Variants in HYDIN observed in about 807,000 individuals in gnomAD.
HYDIN encodes axonemal central pair apparatus protein HYDIN.
A neutral mutation model predicts 403.9 loss-of-function variants in HYDIN; 132 were observed. That is an observed-to-expected ratio of 0.33 (90% CI 0.28 to 0.38). HYDIN has a LOEUF of 0.38. Among genes scored for constraint, HYDIN ranks in the 10% least tolerant of loss-of-function variants. The pLI, the probability that HYDIN is intolerant of heterozygous loss-of-function variation, is 1.00. For synonymous variants in HYDIN, 1,202 were observed against 1,891.7 expected (o/e 0.64, Z 9.46); for missense variants, 2,827 against 5,009.5 (o/e 0.56, Z 13.15).
At chr16:71,044,054 G>A (rs1278948726) in intron 18 of HYDIN, among the ~76,000 whole-genome samples, 1 of 151,740 alleles carries the variant, frequency 6.6e-6, no homozygotes, top group African/African-American at 2.4e-5. Context: ...GTGCTTGGGT[G>A]CCAGCCCACC....
intron 10 of HYDIN, among the ~76,000 whole-genome samples, chr16:71,105,347 TTGAGA>T (rs2083581958): frequency 6.6e-6 from 1 of 151,364 alleles, no homozygotes; most frequent in Non-Finnish European, 1.5e-5. Flanking sequence ...AAGGAGAAAT[TTGAGA>T]TAAGAGGAAA....
At chr16:71,116,129 T>C (rs1447607700) in intron 9 of HYDIN, among the ~76,000 whole-genome samples, 1 of 152,078 alleles carries the variant, frequency 6.6e-6, no homozygotes, top group African/African-American at 2.4e-5. Context: ...AACTACAAGT[T>C]TGTACCCTTT....
chr16:71,043,970 G>A (rs1165852783), intron 18 of HYDIN, among the ~76,000 whole-genome samples: 1 of 151,952 alleles, frequency 6.6e-6, no homozygotes, highest in Non-Finnish European at 1.5e-5. Context: ...GGGAGAGGGA[G>A]AGGTGGAGAG....
intron 1 of HYDIN, among the ~76,000 whole-genome samples, chr16:71,226,906 AC>A (rs1300948069): frequency 6.6e-6 from 1 of 152,132 alleles, no homozygotes; most frequent in Admixed American, 6.5e-5. Context: ...AGTTAGTGAG[AC>A]AATTTGAGAC....
rs57845299 is a variant in HYDIN, at chr16:71,056,127, G to GTTT, written c.2529+4374_2529+4376dup. On this transcript the variant is annotated intron_variant, in intron 18 of 85. Coordinates refer to ENST00000393567, the MANE Select transcript of HYDIN (RefSeq NM_001270974.2). ...TCTCCGTTCCCACATTCTGAGATTT[G>GTTT]TTTTTTTTTTTTTTTTTTTTTACTC... 9.1e-3 allele frequency among the ~76,000 whole-genome samples: 969 copies of GTTT among 106,212 alleles called. 17 individuals are homozygous for GTTT. The highest frequency in any genetic ancestry group is 0.026 in the African/African-American group (730 of 27,716). 69.7% of individuals were successfully genotyped at this position (106,212 alleles called of 152,430 possible).
At chr16:71,179,286 T>C (rs1388389670) in intron 3 of HYDIN, among the ~76,000 whole-genome samples, 2 of 151,940 alleles carry the variant, frequency 1.3e-5, no homozygotes, top group East Asian at 3.9e-4. Context: ...AACACATGCC[T>C]ACTTTTCAAC....
At chr16:71,214,698 T>C (rs1286619090) in intron 1 of HYDIN, among the ~76,000 whole-genome samples, 8 of 152,210 alleles carry the variant, frequency 5.3e-5, no homozygotes, top group Admixed American at 5.2e-4. Context: ...AAAAGCTACA[T>C]TCTTCTATTC....
At chr16:71,178,045 G>C (rs2086742476) in intron 4 of HYDIN, among the ~76,000 whole-genome samples, 1 of 152,152 alleles carries the variant, frequency 6.6e-6, no homozygotes, top group South Asian at 2.1e-4. Context: ...AAAAAGGAAA[G>C]GGACCTACAT....
intron 17 of HYDIN, among the ~76,000 whole-genome samples, chr16:71,061,446 T>C (rs1329958448): frequency 1.3e-5 from 2 of 152,282 alleles, no homozygotes; most frequent in African/African-American, 4.8e-5. Context: ...GTAAACCACA[T>C]GTCTAGGAAT....
intron 23 of HYDIN, among the ~76,000 whole-genome samples, chr16:71,004,559 G>T (rs2079834937): frequency 6.6e-6 from 1 of 151,864 alleles, no homozygotes; most frequent in African/African-American, 2.4e-5. Flanking sequence ...TTGCATTCCT[G>T]GAATAAACTC....
At chr16:71,089,651 C>A (rs1490532949) in intron 11 of HYDIN, among the ~76,000 whole-genome samples, 18 of 151,936 alleles carry the variant, frequency 1.2e-4, no homozygotes, top group Admixed American at 5.2e-4. Flanking sequence ...ATTGTCATCC[C>A]TGACCTTGAG....
chr16:70,860,098 C>G lies in HYDIN; in HGVS notation c.12099G>C (p.Lys4033Asn). 1.2e-6 allele frequency: 2 copies of G among 1,612,132 alleles called. No individual in the cohort carries two copies. Among genetic ancestry groups the G allele is most frequent in the Non-Finnish European group, 1.7e-6 (2 of 1,179,070 alleles). Residue 4033 changes from lysine to asparagine, a missense_variant, in exon 71 of 86, where the codon AAG (lysine) becomes AAC (asparagine). Coordinates refer to ENST00000393567, the MANE Select transcript of HYDIN (RefSeq NM_001270974.2). ...CTTTCTTTTCAGGGTGGATGAAGCC[C>G]TTTTCTGTAAGGCATGTGAATGCTG... ...NPAAFTCLTEKGFIHPEKKAE... is the reference protein window; with the variant it reads ...NPAAFTCLTENGFIHPEKKAE...
intron 43 of HYDIN, among the ~76,000 whole-genome samples, chr16:70,940,806 T>C (rs963960601): frequency 1.3e-5 from 2 of 152,190 alleles, no homozygotes; most frequent in Non-Finnish European, 2.9e-5. Context: ...AGCATTATGA[T>C]TTGACTAGAT....
At chr16:71,094,693 G>A (rs1198615988) in intron 10 of HYDIN, among the ~76,000 whole-genome samples, 6 of 152,290 alleles carry the variant, frequency 3.9e-5, no homozygotes, top group African/African-American at 2.4e-5. Context: ...AGGCAACGTC[G>A]TGATAATGCA....
At chr16:71,184,136 C>T (rs1018538465) in intron 3 of HYDIN, among the ~76,000 whole-genome samples, 3 of 152,068 alleles carry the variant, frequency 2.0e-5, no homozygotes, top group African/African-American at 7.2e-5. Context: ...TAACAGCAGA[C>T]AAGCCTCAAA....
intron 13 of HYDIN, among the ~76,000 whole-genome samples, chr16:71,078,960 T>C (rs1461820034): frequency 2.0e-5 from 3 of 152,216 alleles, no homozygotes; most frequent in African/African-American, 7.2e-5. Flanking sequence ...TAGCCTTATG[T>C]GCAGCTTGGT....
intron 10 of HYDIN, among the ~76,000 whole-genome samples, chr16:71,101,177 GAC>G (rs1280132073): frequency 2.2e-4 from 1 of 4,566 alleles, no homozygotes; most frequent in Non-Finnish European, 3.9e-4. Flanking sequence ...ATAACAAACT[GAC>G]ACAGAGTCCC....
At chr16:71,204,475 T>C (rs552858964) in intron 1 of HYDIN, among the ~76,000 whole-genome samples, 3 of 152,352 alleles carry the variant, frequency 2.0e-5, no homozygotes, top group South Asian at 2.1e-4. Context: ...CCGTTCTCGA[T>C]TGAGTGCTTT....
At chr16:70,911,299 G>T (rs1274754252) in intron 47 of HYDIN, among the ~76,000 whole-genome samples, 1 of 149,226 alleles carries the variant, frequency 6.7e-6, no homozygotes, top group African/African-American at 2.5e-5. Flanking sequence ...TAAGGTGAGA[G>T]ATGAGGATCC....
Sources: allele counts gnomAD v4.1 joint callset (sites outside exome capture counted in the v4.1 genomes callset), GRCh38; gene constraint gnomAD v4.1.1; transcripts MANE v1.5; gene names NCBI Gene and HGNC (gene_info 2026-07-23, HGNC 2026-07-21).